Variants in IL23R observed in about 807,000 individuals in gnomAD.
IL23R encodes interleukin 23 receptor.
IL23R carries 34 observed loss-of-function variants against 56.9 expected under a neutral mutation model. The ratio of observed to expected loss-of-function variants is 0.60; its 90% confidence interval spans 0.45 to 0.80. The LOEUF is 0.80. Among genes scored for constraint, IL23R ranks in the 30% least tolerant of loss-of-function variants. The pLI is 0.00. For synonymous variants in IL23R, 230 were observed against 249.2 expected (o/e 0.92, Z 0.73); for missense variants, 635 against 730.0 (o/e 0.87, Z 1.50).
intron 6 of IL23R, among the ~76,000 whole-genome samples, chr1:67,216,992 T>G (rs776589430): frequency 2.0e-5 from 3 of 152,194 alleles, no homozygotes; most frequent in Non-Finnish European, 2.9e-5. Flanking sequence ...ACCAAGGGTT[T>G]AGACACTGGT....
chr1:67,176,451 T>C (rs769480873), intron 3 of IL23R, among the ~76,000 whole-genome samples: 2 of 152,110 alleles, frequency 1.3e-5, no homozygotes, highest in African/African-American at 2.4e-5. Flanking sequence ...ATTTCTTTTT[T>C]TTTTATTCTT....
rs774978519 is a variant in IL23R at position 67,201,043 on chromosome 1, C to G, written c.652+146C>G. ...AGAAATTACCCATAATTCTACCTGC[C>G]CAAGACAACTTAGAGATGAGTAGTG... is the stretch of plus-strand genomic sequence containing the variant. On this transcript the variant is annotated intron_variant, in intron 5 of 10. Transcript: ENST00000347310. The G allele has an allele frequency of 9.1e-6, 7 of 770,686 alleles. No homozygotes were observed. The South Asian group carries it at 1.2e-4, about 14-fold the overall frequency. 47.7% of individuals were successfully genotyped at this position (770,686 alleles called of 1,614,324 possible).
chr1:67,213,049 T>A (rs1302940005), intron 6 of IL23R, among the ~76,000 whole-genome samples: 1 of 151,928 alleles, frequency 6.6e-6, no homozygotes, highest in Non-Finnish European at 1.5e-5. Context: ...TCTTTTTGTA[T>A]TTTTAGTAGA....
intron 1 of IL23R, among the ~76,000 whole-genome samples, chr1:67,167,095 T>C (rs569475068): frequency 0.023 from 3,441 of 152,264 alleles, 127 homozygotes; most frequent in African/African-American, 0.078. Flanking sequence ...GATGAAAGGC[T>C]TTTTCCTCTT....
chr1:67,261,584 G>A (rs908884036), downstream of IL23R, among the ~76,000 whole-genome samples: 2 of 151,918 alleles, frequency 1.3e-5, no homozygotes, highest in African/African-American at 4.8e-5. Flanking sequence ...TAAATACCTT[G>A]ACTTGTAAAT....
chr1:67,245,588 T>G (rs1418242206), intron 9 of IL23R, among the ~76,000 whole-genome samples: 1 of 152,216 alleles, frequency 6.6e-6, no homozygotes, highest in Non-Finnish European at 1.5e-5. Context: ...CATCATTAGT[T>G]CTGTTTATGT....
chr1:67,155,518 T>C (rs1440626863), intron 1 of IL23R, among the ~76,000 whole-genome samples: 1 of 152,206 alleles, frequency 6.6e-6, no homozygotes, highest in African/African-American at 2.4e-5. Flanking sequence ...TAATCTTGTC[T>C]GTGTGTCTTA....
At chr1:67,252,656 C>T (rs879636355) in intron 9 of IL23R, among the ~76,000 whole-genome samples, 3 of 152,020 alleles carry the variant, frequency 2.0e-5, no homozygotes, top group Admixed American at 6.6e-5. Flanking sequence ...ATTCATATCC[C>T]GCTTCTGACA....
At chr1:67,233,327 C>T (rs1651232661) in intron 7 of IL23R, among the ~76,000 whole-genome samples, 1 of 151,468 alleles carries the variant, frequency 6.6e-6, no homozygotes, top group South Asian at 2.1e-4. Context: ...GATCATGCCA[C>T]TGCACTCCAG....
chr1:67,164,622 A>T (rs1280841483), upstream of IL23R, among the ~76,000 whole-genome samples: 1 of 149,440 alleles, frequency 6.7e-6, no homozygotes, highest in Non-Finnish European at 1.5e-5. Context: ...ACAGAGCAAA[A>T]CTCTGTCACA....
chr1:67,205,334 A>G (rs1029835587), intron 5 of IL23R, among the ~76,000 whole-genome samples: 1 of 152,268 alleles, frequency 6.6e-6, no homozygotes, highest in Non-Finnish European at 1.5e-5. Flanking sequence ...TAGTCATTGT[A>G]GTAAAACAAT....
intron 6 of IL23R, chr1:67,207,297 C>A: frequency 1.8e-6 from 1 of 562,518 alleles, no homozygotes; most frequent in Admixed American, 2.8e-5. Flanking sequence ...ATGATTGATC[C>A]TGTCACCCAG....
intron 4 of IL23R, among the ~76,000 whole-genome samples, chr1:67,195,205 G>A (rs1648044502): frequency 6.6e-6 from 1 of 152,042 alleles, no homozygotes; most frequent in Admixed American, 6.6e-5. Context: ...GCTAATTTTT[G>A]TATTTTTAGT....
At chr1:67,169,275 C>G in intron 2 of IL23R, 67 bp from the exon 3 acceptor site, 1 of 1,199,456 alleles carries the variant, frequency 8.3e-7, no homozygotes, top group Non-Finnish European at 1.2e-6. Flanking sequence ...AATGCAATAG[C>G]ATATTCTTCT....
chr1:67,195,711 C>G (rs971679647), intron 4 of IL23R, among the ~76,000 whole-genome samples: 15 of 152,190 alleles, frequency 9.9e-5, no homozygotes, highest in African/African-American at 3.4e-4. Flanking sequence ...AGTTGCTCCT[C>G]ACCCCTCCAA....
intron 9 of IL23R, 49 bp downstream of exon 9, chr1:67,240,330 G>A (rs201869007): frequency 8.6e-7 from 1 of 1,162,416 alleles, no homozygotes; most frequent in Non-Finnish European, 1.3e-6. Context: ...ACATGTATAT[G>A]TATCACCAAA....
chr1:67,237,710 A>G (rs1330584908), intron 8 of IL23R, among the ~76,000 whole-genome samples: 1 of 152,228 alleles, frequency 6.6e-6, no homozygotes. Context: ...CTGGTTGTAC[A>G]ATGGGTGAAC....
chr1:67,149,237 T>C (rs76913184), intron 1 of IL23R, among the ~76,000 whole-genome samples: 2,127 of 152,224 alleles, frequency 0.014, 57 homozygotes, highest in African/African-American at 0.049. Context: ...AGGGGGAGCA[T>C]TGAGCACTCT....
chr1:67,240,982 C>T (rs1185427750), intron 9 of IL23R, among the ~76,000 whole-genome samples: 3 of 152,176 alleles, frequency 2.0e-5, no homozygotes, highest in Non-Finnish European at 4.4e-5. Context: ...CTGGGATTGG[C>T]CAAGACTCAG....
Sources: allele counts gnomAD v4.1 joint callset (sites outside exome capture counted in the v4.1 genomes callset), GRCh38; gene constraint gnomAD v4.1.1; transcripts MANE v1.5; gene names NCBI Gene and HGNC (gene_info 2026-07-23, HGNC 2026-07-21).